The following RELN variants were observed in gnomAD, a reference collection of about 807,000 sequenced individuals.
The protein encoded by RELN is reelin.
RELN carries 108 observed loss-of-function variants against 427.6 expected under a neutral mutation model. The observed-to-expected ratio is 0.25, with a 90% CI of 0.22 to 0.30. The LOEUF is 0.30. RELN is among the 10% of genes least tolerant of loss of function. The pLI, the probability that RELN is intolerant of heterozygous loss-of-function variation, is 1.00. For missense variants in RELN, 3,715 were observed against 4,302.8 expected (o/e 0.86, Z 3.82); for synonymous variants, 1,524 against 1,513.4 (o/e 1.01, Z -0.16).
Position 103,760,369 on chromosome 7 carries a change from G to A in RELN, c.545-7155C>T, listed in dbSNP as rs192967035. 1.0e-3 allele frequency among the ~76,000 whole-genome samples: 152 copies of A among 152,164 alleles called. 1 individual carries two copies. The highest frequency in any genetic ancestry group is 3.6e-3 in the African/African-American group (148 of 41,556). On this transcript the variant is annotated intron_variant, in intron 4 of 64. Transcript: ENST00000428762. ...CTGAAGTAGGCATATTAGAAAGAAT[G>A]AGGTCGTGTTTAATTCCCCCAAAGG...
At chr7:103,934,805 A>G (rs1385731172) in intron 1 of RELN, among the ~76,000 whole-genome samples, 1 of 152,202 alleles carries the variant, frequency 6.6e-6, no homozygotes, top group Non-Finnish European at 1.5e-5. Flanking sequence ...CTAGAGGCAA[A>G]AAGGATTCCA....
intron 63 of RELN, 133 bp downstream of exon 63, chr7:103,482,740 G>C (rs1440183965): frequency 1.9e-6 from 3 of 1,540,514 alleles, no homozygotes; most frequent in African/African-American, 1.4e-5. Flanking sequence ...AGTTGCAAAA[G>C]AGTGTAAGCC....
intron 50 of RELN, 36 bp from the exon 51 acceptor site, chr7:103,511,041 G>A: frequency 6.4e-7 from 1 of 1,569,504 alleles, no homozygotes; most frequent in Non-Finnish European, 8.8e-7. Flanking sequence ...TGACAAATTT[G>A]TGACAAAAAT....
At chr7:103,577,596 C>T (rs867754879) in intron 28 of RELN, among the ~76,000 whole-genome samples, 13 of 150,306 alleles carry the variant, frequency 8.6e-5, no homozygotes, top group South Asian at 6.3e-4. Context: ...CTTAGTGTCA[C>T]GGACCTTGGG....
At chr7:103,970,954 G>C (rs1026920242) in intron 1 of RELN, among the ~76,000 whole-genome samples, 1 of 152,076 alleles carries the variant, frequency 6.6e-6, no homozygotes, top group South Asian at 2.1e-4. Flanking sequence ...TCAGGAGTTT[G>C]AGACCAGCCT....
At chr7:103,950,461 A>C (rs574107988) in intron 1 of RELN, among the ~76,000 whole-genome samples, 1 of 152,334 alleles carries the variant, frequency 6.6e-6, no homozygotes, top group East Asian at 1.9e-4. Context: ...AAAATCAGCA[A>C]TATGCATTTA....
intron 41 of RELN, among the ~76,000 whole-genome samples, chr7:103,546,488 A>G (rs1830300008): frequency 6.6e-6 from 1 of 152,182 alleles, no homozygotes; most frequent in South Asian, 2.1e-4. Context: ...GCTTAAATAC[A>G]TGTTTTCAAT....
intron 46 of RELN, among the ~76,000 whole-genome samples, chr7:103,527,224 C>G (rs1369659485): frequency 6.6e-6 from 1 of 152,176 alleles, no homozygotes; most frequent in Non-Finnish European, 1.5e-5. Context: ...CTGTCGTCAT[C>G]ATCGTGAGAA....
At chr7:103,546,777 T>C (rs549234352) in intron 41 of RELN, among the ~76,000 whole-genome samples, 28 of 152,180 alleles carry the variant, frequency 1.8e-4, no homozygotes, top group Non-Finnish European at 3.1e-4. Context: ...ATGTAATTTG[T>C]TGTGAAAGTC....
Position 103,566,620 on chromosome 7 carries a change from T to G in RELN, c.4728A>C (p.Arg1576=), listed in dbSNP as rs751174808. The change falls in exon 32 of 65, where the codon CGA becomes CGC. Residue 1576 remains arginine (R), a synonymous_variant. Transcript: ENST00000428762. The part of the protein sequence containing the change: ...QDAKTPATAF[R]WWQPQHGKHS... ...ACTTACCATGTTGCGGTTGCCACCATCGAAATGCCGTTGCAGGTGTCTTCG... is the reference window on the plus strand; with the variant it reads ...ACTTACCATGTTGCGGTTGCCACCAGCGAAATGCCGTTGCAGGTGTCTTCG... 2 of 1,614,180 alleles carry G rather than the reference T, an allele frequency of 1.2e-6. No homozygotes were observed. Among genetic ancestry groups the G allele is most frequent in the Non-Finnish European group, 1.7e-6 (2 of 1,180,022 alleles).
chr7:103,767,256 G>C (rs573751768), intron 4 of RELN, among the ~76,000 whole-genome samples: 4 of 152,316 alleles, frequency 2.6e-5, no homozygotes, highest in African/African-American at 9.6e-5. Flanking sequence ...AGGGAATTTA[G>C]GCAGTAGTGA....
chr7:103,717,223 ATTCTC>A (rs1314795916), intron 8 of RELN, among the ~76,000 whole-genome samples: 7 of 151,540 alleles, frequency 4.6e-5, no homozygotes, highest in Non-Finnish European at 1.0e-4. Context: ...ATTTCAGAAT[ATTCTC>A]TTTTATTACT....
At chr7:103,832,438 A>C (rs2116405067) in intron 3 of RELN, among the ~76,000 whole-genome samples, 1 of 152,052 alleles carries the variant, frequency 6.6e-6, no homozygotes, top group South Asian at 2.1e-4. Context: ...AACAACGAAA[A>C]ACTGAAAAAC....
rs1834011738 is a variant in RELN, at chr7:103,697,922, G to T, written c.1074C>A (p.Val358=). The T allele has an allele frequency of 6.2e-7, 1 of 1,613,686 alleles. No individual in the cohort carries two copies. The highest frequency in any genetic ancestry group is 1.1e-5 in the South Asian group (1 of 91,028). ...ILIINSAHRQ[V]VLEDSLDPVD... ...CTGGGTCGAGACTATCTTCTAAAACGACTTGTCTGTGAGCTGAATTGATGA... is the reference window on the plus strand; with the variant it reads ...CTGGGTCGAGACTATCTTCTAAAACTACTTGTCTGTGAGCTGAATTGATGA... The change falls in exon 10 of 65, where the codon GTC becomes GTA. Residue 358 remains valine (V), a synonymous_variant. Coordinates refer to ENST00000428762, the MANE Select transcript of RELN (RefSeq NM_005045.4).
chr7:103,865,939 T>C (rs992252071), intron 2 of RELN, among the ~76,000 whole-genome samples: 3 of 152,226 alleles, frequency 2.0e-5, no homozygotes, highest in Middle Eastern at 6.8e-3. Flanking sequence ...ATAGTTAAGG[T>C]ACTTTGATAT....
At chr7:103,700,844 G>A in intron 9 of RELN, 66 bp downstream of exon 9, 1 of 949,136 alleles carries the variant, frequency 1.1e-6, no homozygotes, top group Non-Finnish European at 1.7e-6. Flanking sequence ...GTGGATTGAA[G>A]GCATATAGGA....
At chr7:103,926,415 A>T (rs1012794063) in intron 1 of RELN, among the ~76,000 whole-genome samples, 2 of 152,026 alleles carry the variant, frequency 1.3e-5, no homozygotes, top group Admixed American at 1.3e-4. Flanking sequence ...GTAGTTCAAC[A>T]TATTGAAAAT....
Position 103,640,626 on chromosome 7 carries a change from G to T in RELN, c.2003-17C>A. On this transcript the variant is annotated splice_polypyrimidine_tract_variant and intron_variant, in intron 16 of 64. Transcript: ENST00000428762. The surrounding 1 kb of genome is among the most constrained non-coding windows in gnomAD (Gnocchi z 4.1). Reference sequence around the variant, plus strand: ...CAATATAAACTGTGGGAGGGAAAAAGAGAACATAATTACAAAAACATAGAA... The same window carrying T: ...CAATATAAACTGTGGGAGGGAAAAATAGAACATAATTACAAAAACATAGAA... The T allele has an allele frequency of 6.2e-7, 1 of 1,613,170 alleles. No individual in the cohort carries two copies. The highest frequency in any genetic ancestry group is 8.5e-7 in the Non-Finnish European group (1 of 1,179,482).
rs1554451147 is a variant in RELN at position 103,975,515 on chromosome 7, G to GTATTTATTTATT, written c.226+13604_226+13615dup. Among the ~76,000 whole-genome samples the GTATTTATTTATT allele has an allele frequency of 7.7e-3, 1,093 of 141,826 alleles. 5 individuals carry two copies. The highest frequency in any genetic ancestry group is 0.034 in the East Asian group (162 of 4,822). 93.0% of individuals were successfully genotyped at this position (141,826 alleles called of 152,430 possible). Reference sequence around the variant, plus strand: ...TATGGGTCCTGGGAAGAATGGAGCAGTATTTATTTATTTATTTATTTATTT... The same window carrying GTATTTATTTATT: ...TATGGGTCCTGGGAAGAATGGAGCAGTATTTATTTATTTATTTATTTATTTATTTATTTATTT... On this transcript the variant is annotated intron_variant, in intron 1 of 64. Transcript: ENST00000428762.
Sources: allele counts gnomAD v4.1 joint callset (sites outside exome capture counted in the v4.1 genomes callset), GRCh38; gene constraint gnomAD v4.1.1; non-coding constraint Gnocchi (gnomAD v3.1); transcripts MANE v1.5; gene names NCBI Gene and HGNC (gene_info 2026-07-23, HGNC 2026-07-21).